Variants in TSPEAR observed in about 807,000 individuals in gnomAD.
TSPEAR encodes thrombospondin-type laminin G domain and EAR repeat-containing protein.
Under a neutral mutation model 71.6 loss-of-function variants are expected in TSPEAR, and 69 were observed. The ratio of observed to expected loss-of-function variants is 0.96; its 90% CI spans 0.79 to 1.18. The LOEUF (loss-of-function observed/expected upper bound fraction) is 1.18, where lower values mean the gene tolerates loss of function less well. TSPEAR is among the 50% of genes most tolerant of loss of function. TSPEAR has a pLI of 0.00. For missense variants in TSPEAR, 971 were observed against 894.9 expected, an observed-to-expected ratio of 1.09 and a Z score of -1.09; for synonymous variants, 402 against 387.2, an observed-to-expected ratio of 1.04 and a Z score of -0.45.
chr21:44,537,245 T>TA (rs2053104414), intron 2 of TSPEAR, among the ~76,000 whole-genome samples: 1 of 151,928 alleles, frequency 6.6e-6, no homozygotes, highest in South Asian at 2.1e-4. Context: ...TAGGAGCTGT[T>TA]AGTTTCCTCC....
chr21:44,635,500 C>T (rs1426036069), intron 1 of TSPEAR, among the ~76,000 whole-genome samples: 2 of 152,092 alleles, frequency 1.3e-5, no homozygotes, highest in African/African-American at 4.8e-5. Flanking sequence ...AAAGGAATGG[C>T]GTTCTGAAAC....
At chr21:44,645,967 G>A (rs192057570) in intron 1 of TSPEAR, among the ~76,000 whole-genome samples, 139 of 150,822 alleles carry the variant, frequency 9.2e-4, no homozygotes, top group African/African-American at 3.2e-3. Context: ...GTGAAACCCC[G>A]TCTCTACTAA....
At position 44,682,123 on chromosome 21, in the gene TSPEAR, T is replaced by C. The variant is rs1159341621; in HGVS notation, c.82+29310A>G. 4 of 1,613,228 alleles carry C rather than the reference T, an allele frequency of 2.5e-6. No homozygotes were observed. In the African/African-American group the frequency reaches 5.3e-5, roughly 22 times the overall value. On this transcript the variant is annotated intron_variant, in intron 1 of 11. Transcript: ENST00000323084. ...CCCGAGGAGCAGCTGGTGTGGCACA[T>C]GGTGGCGTGTGGCTGGATAAGGTCG...
chr21:44,654,197 T>C, intron 1 of TSPEAR: 4 of 1,173,698 alleles, frequency 3.4e-6, no homozygotes, highest in Non-Finnish European at 5.0e-6. Context: ...TGGGAGGATG[T>C]GGGGACTGCC....
At chr21:44,627,853 T>C in intron 1 of TSPEAR, 2 of 1,613,232 alleles carry the variant, frequency 1.2e-6, no homozygotes, top group Non-Finnish European at 1.7e-6. Flanking sequence ...CTGCAGACCC[T>C]CCTCCTCTGT....
chr21:44,689,712 A>AATGAATATATATAT lies in TSPEAR; in HGVS notation c.82+21720_82+21721insATATATATATTCAT, dbSNP rs781858508. On this transcript the variant is annotated intron_variant, in intron 1 of 11. Transcript: ENST00000323084. ...TCCCTTAGAGGGACAGAATAGAATG[A>AATGAATATATATAT]ATATATATATATATATATATATATA... Among the ~76,000 whole-genome samples, 163 of 62,040 alleles carry AATGAATATATATAT rather than the reference A, an allele frequency of 2.6e-3. 17 individuals carry two copies. In the East Asian group the frequency reaches 0.042, roughly 16 times the overall value. The allele number at this position is 62,040 out of a possible 152,430, so 40.7% of individuals were successfully genotyped here. A position where few individuals can be genotyped will look rare whatever the true frequency, so the allele number is the denominator to read the frequency against.
At chr21:44,574,970 C>T (rs1555923690) in intron 1 of TSPEAR, 18 of 1,612,144 alleles carry the variant, frequency 1.1e-5, no homozygotes, top group East Asian at 6.7e-5. Flanking sequence ...TCTGACGCCC[C>T]GTGTGCTCCC....
chr21:44,570,312 G>A (rs923344888), intron 1 of TSPEAR, among the ~76,000 whole-genome samples: 2 of 152,202 alleles, frequency 1.3e-5, no homozygotes, highest in South Asian at 2.1e-4. Flanking sequence ...CGGACCCCAC[G>A]CCTGCAGTGT....
At chr21:44,647,170 T>A in intron 1 of TSPEAR, 1 of 1,613,664 alleles carries the variant, frequency 6.2e-7, no homozygotes, top group African/African-American at 1.3e-5. Flanking sequence ...CTCCTCTGTG[T>A]CCCTCCTCTG....
At chr21:44,515,283 C>G (rs1171523941) in intron 9 of TSPEAR, among the ~76,000 whole-genome samples, 3 of 152,242 alleles carry the variant, frequency 2.0e-5, no homozygotes, top group Admixed American at 2.0e-4. Flanking sequence ...GAGGCTCAGG[C>G]CAGGTGGAGA....
rs1555914826 is a variant in TSPEAR at position 44,525,663 on chromosome 21, G to C, written c.1326C>G (p.Asn442Lys). 1.2e-5 allele frequency: 20 copies of C among 1,614,114 alleles called. No homozygotes were observed. The highest frequency in any genetic ancestry group is 1.7e-5 in the Non-Finnish European group (20 of 1,180,000). Residue 442 changes from asparagine to lysine, a missense_variant, in exon 8 of 12, where the codon AAC (asparagine) becomes AAG (lysine). Coordinates refer to ENST00000323084, the MANE Select transcript of TSPEAR (RefSeq NM_144991.3). Reference sequence around the variant, plus strand: ...CCACTCCTGCCCTACCTTCCCGGTGGTTGGCCACCGCCAGGAAGTGCTCCC... The same window carrying C: ...CCACTCCTGCCCTACCTTCCCGGTGCTTGGCCACCGCCAGGAAGTGCTCCC... ...VDGEHFLAVA[N>K]HREGDNHNID...
At chr21:44,575,970 G>A (rs1002098768) in intron 1 of TSPEAR, among the ~76,000 whole-genome samples, 3 of 152,172 alleles carry the variant, frequency 2.0e-5, no homozygotes, top group Non-Finnish European at 4.4e-5. Flanking sequence ...ACCACCATGA[G>A]CCCAGGGCCA....
At chr21:44,627,714 C>T (rs1258129238) in intron 1 of TSPEAR, 3 of 1,595,960 alleles carry the variant, frequency 1.9e-6, no homozygotes, top group Admixed American at 3.5e-5. Flanking sequence ...GCCAGCAGTC[C>T]TACTGTGTGC....
At chr21:44,658,808 G>C (rs587702627) in intron 1 of TSPEAR, among the ~76,000 whole-genome samples, 1 of 152,120 alleles carries the variant, frequency 6.6e-6, no homozygotes, top group South Asian at 2.1e-4. Context: ...AGATGCCTGG[G>C]ACCCGGGTAT....
intron 2 of TSPEAR, among the ~76,000 whole-genome samples, chr21:44,552,792 C>G (rs1241245041): frequency 6.6e-6 from 1 of 152,212 alleles, no homozygotes; most frequent in Non-Finnish European, 1.5e-5. Flanking sequence ...GAAATTCCAT[C>G]TGAACCTGGG....
chr21:44,536,813 GAACT>G (rs1174689666), intron 2 of TSPEAR, among the ~76,000 whole-genome samples: 1 of 152,112 alleles, frequency 6.6e-6, no homozygotes, highest in African/African-American at 2.4e-5. Flanking sequence ...CAAACTGTAA[GAACT>G]AATAAGAGAA....
In TSPEAR at chr21:44,666,607, C is replaced by T. The variant is rs781791515; in HGVS notation, c.82+44826G>A. ...GACTGGCAGGAGGGGGCTGCACACACAATGGGCCTGCAGCTCACAGGCACA... is the reference window on the plus strand; with the variant it reads ...GACTGGCAGGAGGGGGCTGCACACATAATGGGCCTGCAGCTCACAGGCACA... On this transcript the variant is annotated intron_variant, in intron 1 of 11. Coordinates refer to ENST00000323084, the MANE Select transcript of TSPEAR (RefSeq NM_144991.3). 2.5e-5 allele frequency: 41 copies of T among 1,613,166 alleles called. No homozygotes were observed. Among genetic ancestry groups the T allele is most frequent in the Non-Finnish European group, 3.4e-5 (40 of 1,179,458 alleles).
In TSPEAR at chr21:44,647,235, C is replaced by T. The variant is rs587718659; in HGVS notation, c.82+64198G>A. On this transcript the variant is annotated intron_variant, in intron 1 of 11. Coordinates refer to ENST00000323084, the MANE Select transcript of TSPEAR (RefSeq NM_144991.3). ...TGCCCGTCTCCTCCTGCTGTGCCCC[C>T]ACCTCCTCCTGCCAGTCCAGCTGCT... The T allele has an allele frequency of 4.6e-4, 744 of 1,605,126 alleles. 10 individuals are homozygous for T. The South Asian group carries it at 6.9e-3, about 15-fold the overall frequency.
At chr21:44,670,939 T>A (rs1196262656) in intron 1 of TSPEAR, among the ~76,000 whole-genome samples, 7 of 152,204 alleles carry the variant, frequency 4.6e-5, no homozygotes, top group Non-Finnish European at 7.4e-5. Flanking sequence ...AACTTGCATG[T>A]ACCCTGAGTA....
Sources: gnomAD v4.1 joint callset for allele counts (sites outside exome capture counted in the v4.1 genomes callset) on GRCh38, gnomAD v4.1.1 for gene constraint, MANE v1.5 for transcripts, NCBI Gene and HGNC (gene_info 2026-07-23, HGNC 2026-07-21) for gene names.